ELFN1: variants seen among roughly 807,000 people sequenced by gnomAD.
The protein encoded by ELFN1 is extracellular leucine rich repeat and fibronectin type III domain containing 1, also known as protein ELFN1.
Under a neutral mutation model 7.6 loss-of-function variants are expected in ELFN1, and 6 were observed. The ratio of observed to expected loss-of-function variants is 0.79; its 90% CI spans 0.43 to 1.56. ELFN1 has a LOEUF of 1.56. ELFN1 is among the 40% of genes most tolerant of loss of function. The pLI is 0.01. For missense variants in ELFN1, 1,169 were observed against 1,232.2 expected (o/e 0.95, Z 0.77); for synonymous variants, 657 against 588.1 (o/e 1.12, Z -1.70).
intron 3 of ELFN1, among the ~76,000 whole-genome samples, chr7:1,718,126 C>G (rs1026789480): frequency 1.3e-5 from 2 of 152,228 alleles, no homozygotes; most frequent in Admixed American, 1.3e-4. Context: ...ACATCTGCAT[C>G]CCAGCTGTCA....
At chr7:1,677,848 G>A (rs972170703) in intron 1 of ELFN1, among the ~76,000 whole-genome samples, 1 of 152,052 alleles carries the variant, frequency 6.6e-6, no homozygotes, top group African/African-American at 2.4e-5. Context: ...GAGCTCCCGC[G>A]GGTTCCTGGT....
At chr7:1,691,600 C>T (rs781014282) in intron 2 of ELFN1, among the ~76,000 whole-genome samples, 1 of 152,198 alleles carries the variant, frequency 6.6e-6, no homozygotes, top group African/African-American at 2.4e-5. Context: ...GGGATCCAGG[C>T]CCGACCCACT....
intron 2 of ELFN1, among the ~76,000 whole-genome samples, chr7:1,700,956 C>G (rs1779414823): frequency 6.6e-6 from 1 of 152,148 alleles, no homozygotes; most frequent in Non-Finnish European, 1.5e-5. Flanking sequence ...TGTCAGTTTT[C>G]CTTATTAATT....
At chr7:1,699,946 C>T (rs978502658) in intron 2 of ELFN1, among the ~76,000 whole-genome samples, 10 of 151,770 alleles carry the variant, frequency 6.6e-5, no homozygotes, top group South Asian at 2.1e-4. Context: ...GTGACCCGCC[C>T]GCCTCAGCCT....
Position 1,746,339 on chromosome 7 carries a change from C to T in ELFN1, c.1743C>T (p.Thr581=). 6.5e-7 allele frequency: 1 copy of T among 1,546,050 alleles called. No homozygotes were observed. The highest frequency in any genetic ancestry group is 8.7e-7 in the Non-Finnish European group (1 of 1,144,574). ...NCIDALKSES[T]SFQGVKSGPV... is the part of the protein sequence containing the mutation. ...TCGACGCGCTCAAGTCCGAGTCCAC[C>T]TCCTTCCAGGGCGTCAAGTCGGGGC... The change falls in exon 4 of 4, where the codon ACC becomes ACT. Residue 581 remains threonine (T), a synonymous_variant. Coordinates refer to ENST00000424383, the MANE Select transcript of ELFN1 (RefSeq NM_001128636.4).
intron 3 of ELFN1, among the ~76,000 whole-genome samples, chr7:1,714,683 C>G (rs1409574837): frequency 6.6e-6 from 1 of 152,330 alleles, no homozygotes; most frequent in Non-Finnish European, 1.5e-5. Flanking sequence ...GTGTTCAAGA[C>G]TCACCAACCC....
chr7:1,688,200 A>G (rs1779093887), intron 2 of ELFN1, 50 bp downstream of exon 2: 1 of 151,814 alleles, frequency 6.6e-6, no homozygotes, highest in Admixed American at 6.6e-5. Context: ...TGCATTCTTT[A>G]TATGTTTGTA....
At position 1,705,456 on chromosome 7, in the gene ELFN1, C is replaced by G. The variant is rs186124267; in HGVS notation, c.-455-3635C>G. 4.6e-5 allele frequency among the ~76,000 whole-genome samples: 7 copies of G among 152,376 alleles called. No homozygotes were observed. In the South Asian group the frequency reaches 1.4e-3, roughly 32 times the overall value. ...CTGGAAGGAGGAGGAGGAGCTCCCC[C>G]CAACCGCCAGGGTGCCAGGGGAGTG... On this transcript the variant is annotated intron_variant, in intron 2 of 3. Transcript: ENST00000424383. This position sits in a 1 kb window ranked among gnomAD's most constrained non-coding sequence, Gnocchi z 4.3.
At chr7:1,721,394 C>T (rs1367028015) in intron 3 of ELFN1, among the ~76,000 whole-genome samples, 1 of 152,194 alleles carries the variant, frequency 6.6e-6, no homozygotes, top group South Asian at 2.1e-4. Flanking sequence ...ATATTGGGAG[C>T]GTCTCTTGAT....
chr7:1,674,890 C>T (rs1475598686), intron 1 of ELFN1, among the ~76,000 whole-genome samples: 1 of 152,166 alleles, frequency 6.6e-6, no homozygotes, highest in East Asian at 1.9e-4. Flanking sequence ...ACCAGGTCCA[C>T]TGTGTTTGCT....
rs543572459 is a variant in ELFN1 at position 1,705,076 on chromosome 7, G to A, written c.-455-4015G>A. On this transcript the variant is annotated intron_variant, in intron 2 of 3. Coordinates refer to ENST00000424383, the MANE Select transcript of ELFN1 (RefSeq NM_001128636.4). The surrounding 1 kb of genome is among the most constrained non-coding windows in gnomAD (Gnocchi z 4.3). ...GGAGACCTGCTGGGGTGGGGGGCGC[G>A]TACTGGAGAACAGAGGGACACCCAG... Among the ~76,000 whole-genome samples the A allele has an allele frequency of 3.9e-5, 6 of 152,224 alleles. No individual in the cohort carries two copies. The highest frequency in any genetic ancestry group is 2.0e-4 in the Admixed American group (3 of 15,298).
At chr7:1,715,740 G>A (rs182413531) in intron 3 of ELFN1, among the ~76,000 whole-genome samples, 3 of 152,366 alleles carry the variant, frequency 2.0e-5, no homozygotes, top group African/African-American at 7.2e-5. Context: ...AGGCGTGGCT[G>A]CAGATGCCCA....
chr7:1,699,919 C>T (rs568394532), intron 2 of ELFN1, among the ~76,000 whole-genome samples: 16 of 152,152 alleles, frequency 1.1e-4, no homozygotes, highest in Non-Finnish European at 1.3e-4. Context: ...AGGCTGGTCT[C>T]GAACTCCTGA....
At position 1,735,516 on chromosome 7, in the gene ELFN1, C is replaced by T. The variant is rs946738139; in HGVS notation, c.-293-8788C>T. ...CGGCCATGTCCCCAGGAGCCAGCCC[C>T]GCCGAGTCAGCCCTCCCAGCCCTGG... On this transcript the variant is annotated intron_variant, in intron 3 of 3. Transcript: ENST00000424383. The surrounding 1 kb of genome is among the most constrained non-coding windows in gnomAD (Gnocchi z 5.9). Among the ~76,000 whole-genome samples, 3 of 152,086 alleles carry T rather than the reference C, an allele frequency of 2.0e-5. No homozygotes were observed. Among genetic ancestry groups the T allele is most frequent in the Non-Finnish European group, 4.4e-5 (3 of 67,980 alleles).
At position 1,746,729 on chromosome 7, in the gene ELFN1, C is replaced by T; in HGVS notation, c.2133C>T (p.His711=). The change falls in exon 4 of 4, where the codon CAC becomes CAT. Residue 711 remains histidine, a synonymous_variant. Transcript: ENST00000424383. ...GEHRHSYPGS[H]PAEPPAPPGP... ...ACCGGCACTCGTACCCCGGCTCCCA[C>T]CCGGCCGAGCCACCTGCGCCCCCCG... is the stretch of plus-strand genomic sequence containing the variant. The T allele has an allele frequency of 1.3e-6, 2 of 1,482,456 alleles. No homozygotes were observed. The highest frequency in any genetic ancestry group is 1.8e-6 in the Non-Finnish European group (2 of 1,123,092). The allele number at this position is 1,482,456 out of a possible 1,614,324, so 91.8% of individuals were successfully genotyped here.
intron 3 of ELFN1, among the ~76,000 whole-genome samples, chr7:1,736,371 C>A (rs1173047198): frequency 6.6e-6 from 1 of 152,240 alleles, no homozygotes; most frequent in Non-Finnish European, 1.5e-5. Flanking sequence ...CGGCCCCACA[C>A]CAGCCCTGGC....
At chr7:1,732,559 T>C (rs1114416) in intron 3 of ELFN1, among the ~76,000 whole-genome samples, 6,288 of 152,262 alleles carry the variant, frequency 0.041, 454 homozygotes, top group African/African-American at 0.14. Context: ...AAAATCAATT[T>C]TGATCCTTCT....
intron 1 of ELFN1, among the ~76,000 whole-genome samples, chr7:1,686,278 A>T (rs1370346759): frequency 6.7e-6 from 1 of 148,960 alleles, no homozygotes; most frequent in Non-Finnish European, 1.5e-5. Context: ...TGATGTGTGA[A>T]TGTGAGATCA....
rs373334119 is a variant in ELFN1 at position 1,675,087 on chromosome 7, C to T, written c.-549+4733C>T. On this transcript the variant is annotated intron_variant, in intron 1 of 3. Coordinates refer to ENST00000424383, the MANE Select transcript of ELFN1 (RefSeq NM_001128636.4). ...TGCCCTGGCCTTACCGACGGGGACC[C>T]GGCAGCCCACGGCGTGGAGGTGAAC... Among the ~76,000 whole-genome samples, 3 of 56,798 alleles carry T rather than the reference C, an allele frequency of 5.3e-5. No homozygotes were observed. The African/African-American group carries it at 5.8e-4, about 11-fold the overall frequency. 37.3% of individuals were successfully genotyped at this position (56,798 alleles called of 152,430 possible). A position where few individuals can be genotyped will look rare whatever the true frequency, so the allele number is the denominator to read the frequency against.
Sources: gnomAD v4.1 joint callset for allele counts (sites outside exome capture counted in the v4.1 genomes callset) on GRCh38, gnomAD v4.1.1 for gene constraint, Gnocchi (gnomAD v3.1) non-coding constraint, MANE v1.5 for transcripts, NCBI Gene and HGNC (gene_info 2026-07-23, HGNC 2026-07-21) for gene names.